Variants in ZDHHC3 observed in about 807,000 individuals in gnomAD.
ZDHHC3 encodes the protein palmitoyltransferase ZDHHC3.
Under a neutral mutation model 30.6 loss-of-function variants are expected in ZDHHC3, and 9 were observed. That is an observed-to-expected ratio of 0.29 (90% CI 0.18 to 0.51). The LOEUF is 0.51. Ranked by LOEUF, ZDHHC3 falls within the 20% of genes least tolerant of loss-of-function variation. ZDHHC3 has a pLI of 0.97. For missense variants in ZDHHC3, 246 were observed against 384.2 expected (o/e 0.64, Z 3.01); for synonymous variants, 136 against 140.2 (o/e 0.97, Z 0.21).
rs117804867 is a variant in ZDHHC3 at position 44,950,731 on chromosome 3, T to C, written c.307-5439A>G. 1.3e-3 allele frequency among the ~76,000 whole-genome samples: 205 copies of C among 152,342 alleles called. 10 individuals carry two copies. The East Asian group carries it at 0.037, about 28-fold the overall frequency. On this transcript the variant is annotated intron_variant, in intron 2 of 6. Coordinates refer to ENST00000424952, the MANE Select transcript of ZDHHC3 (RefSeq NM_001135179.2). ...TTTCATTCTTTTTTAAAATGCATATTATGCTCTTTTGGGCTCATCTCCACA... is the reference window on the plus strand; with the variant it reads ...TTTCATTCTTTTTTAAAATGCATATCATGCTCTTTTGGGCTCATCTCCACA...
intron 1 of ZDHHC3, among the ~76,000 whole-genome samples, chr3:44,961,763 G>A (rs1421834901): frequency 6.6e-6 from 1 of 152,206 alleles, no homozygotes. Flanking sequence ...TTTTCCTACT[G>A]CCATGCAGAT....
At chr3:44,948,989 C>T (rs2125879267) in intron 2 of ZDHHC3, among the ~76,000 whole-genome samples, 1 of 152,346 alleles carries the variant, frequency 6.6e-6, no homozygotes, top group South Asian at 2.1e-4. Context: ...GAACACTTGT[C>T]CACATGCAAG....
intron 1 of ZDHHC3, among the ~76,000 whole-genome samples, chr3:44,962,522 AG>A: frequency 6.7e-6 from 1 of 149,572 alleles, no homozygotes; most frequent in Non-Finnish European, 1.5e-5. Flanking sequence ...GAAGGAAGGA[AG>A]GAAGGAAGGA....
chr3:44,947,982 C>A (rs1404188402), intron 2 of ZDHHC3, among the ~76,000 whole-genome samples: 2 of 152,350 alleles, frequency 1.3e-5, no homozygotes, highest in East Asian at 3.9e-4. Context: ...GACACGAGGT[C>A]AAGCCACAGC....
In ZDHHC3 at chr3:44,922,024, C is replaced by A; in HGVS notation, c.*4665G>T. 1.0e-6 allele frequency: 1 copy of A among 985,420 alleles called. No individual in the cohort carries two copies. The highest frequency in any genetic ancestry group is 1.2e-6 in the Non-Finnish European group (1 of 829,934). The allele number at this position is 985,420 out of a possible 1,614,324, so 61.0% of individuals were successfully genotyped here. A position where few individuals can be genotyped will look rare whatever the true frequency, so the allele number is the denominator to read the frequency against. ...CCCTGGGGGCCACTCTGCTTTGCTA[C>A]GGCAATCACACTGCTCAAGTCAGCA... On this transcript the variant is annotated 3_prime_UTR_variant, in exon 7 of 7. Transcript: ENST00000424952.
Position 44,925,731 on chromosome 3 carries a change from T to G in ZDHHC3, c.*958A>C. 1.0e-6 allele frequency: 1 copy of G among 985,640 alleles called. No homozygotes were observed. Among genetic ancestry groups the G allele is most frequent in the South Asian group, 4.7e-5 (1 of 21,284 alleles). The allele number at this position is 985,640 out of a possible 1,614,324, so 61.1% of individuals were successfully genotyped here. A position where few individuals can be genotyped will look rare whatever the true frequency, so the allele number is the denominator to read the frequency against. On this transcript the variant is annotated 3_prime_UTR_variant, in exon 7 of 7. Coordinates refer to ENST00000424952, the MANE Select transcript of ZDHHC3 (RefSeq NM_001135179.2). ...TTTATGGGGGTTAACTATCAGAAAG[T>G]GAATCCACTTTGAGGTTTATAAAAT...
chr3:44,956,427 C>T (rs936667318), intron 2 of ZDHHC3, among the ~76,000 whole-genome samples: 2 of 152,340 alleles, frequency 1.3e-5, no homozygotes, highest in African/African-American at 4.8e-5. Context: ...GCTGCTCTAG[C>T]TAAGACTCTG....
In ZDHHC3 at chr3:44,930,237, T is replaced by C. The variant is rs114918428; in HGVS notation, c.611-801A>G. Among the ~76,000 whole-genome samples, 697 of 152,364 alleles carry C rather than the reference T, an allele frequency of 4.6e-3. 2 individuals are homozygous for C. The highest frequency in any genetic ancestry group is 7.3e-3 in the Admixed American group (111 of 15,304). ...TGGTTTGCTTTTAAGCAGAATCTTT[T>C]GTCTGAACAAAGTCTAAGTCAGAAA... On this transcript the variant is annotated intron_variant, in intron 5 of 6. Coordinates refer to ENST00000424952, the MANE Select transcript of ZDHHC3 (RefSeq NM_001135179.2).
chr3:44,923,099 G>A lies in ZDHHC3; in HGVS notation c.*3590C>T, dbSNP rs569480394. 1.8e-5 allele frequency: 17 copies of A among 958,298 alleles called. No homozygotes were observed. The South Asian group carries it at 3.5e-4, about 20-fold the overall frequency. 59.4% of individuals were successfully genotyped at this position (958,298 alleles called of 1,614,324 possible). ...AATGTTTGTTTTTTTTTTTTGAGAC[G>A]GAGTCTCACTCTGTCGCCCAGGCTG... On this transcript the variant is annotated 3_prime_UTR_variant, in exon 7 of 7. Coordinates refer to ENST00000424952, the MANE Select transcript of ZDHHC3 (RefSeq NM_001135179.2).
Position 44,925,584 on chromosome 3 carries a change from A to G in ZDHHC3, c.*1105T>C. 6.1e-6 allele frequency: 6 copies of G among 985,416 alleles called. No homozygotes were observed. Among genetic ancestry groups the G allele is most frequent in the Non-Finnish European group, 7.2e-6 (6 of 829,932 alleles). 61.0% of individuals were successfully genotyped at this position (985,416 alleles called of 1,614,324 possible). Reference sequence around the variant, plus strand: ...GTGTCTGTGGATTCTGGCCAATGGGATGGCCATATGTCAACTTTGAAAGGG... The same window carrying G: ...GTGTCTGTGGATTCTGGCCAATGGGGTGGCCATATGTCAACTTTGAAAGGG... On this transcript the variant is annotated 3_prime_UTR_variant, in exon 7 of 7. Coordinates refer to ENST00000424952, the MANE Select transcript of ZDHHC3 (RefSeq NM_001135179.2).
chr3:44,933,043 A>G, intron 5 of ZDHHC3, 75 bp downstream of exon 5: 1 of 1,613,306 alleles, frequency 6.2e-7, no homozygotes, highest in African/African-American at 1.3e-5. Flanking sequence ...TGAAGGAAAC[A>G]AAGAGCCTCC....
rs751272128 is a variant in ZDHHC3 at position 44,920,067 on chromosome 3, T to C, written c.*6622A>G. 38 of 1,182,262 alleles carry C rather than the reference T, an allele frequency of 3.2e-5. No homozygotes were observed. The highest frequency in any genetic ancestry group is 4.0e-5 in the Non-Finnish European group (37 of 934,862). The allele number at this position is 1,182,262 out of a possible 1,614,324, so 73.2% of individuals were successfully genotyped here. A position where few individuals can be genotyped will look rare whatever the true frequency, so the allele number is the denominator to read the frequency against. Reference sequence around the variant, plus strand: ...TTTGGGGATGGAATTCTAGAGGATTTGTATTTATTTCTGTAGACTTCTCAC... The same window carrying C: ...TTTGGGGATGGAATTCTAGAGGATTCGTATTTATTTCTGTAGACTTCTCAC... On this transcript the variant is annotated 3_prime_UTR_variant, in exon 7 of 7. Transcript: ENST00000424952.
intron 3 of ZDHHC3, among the ~76,000 whole-genome samples, chr3:44,940,230 C>T (rs1702326428): frequency 1.3e-5 from 2 of 152,194 alleles, no homozygotes; most frequent in Non-Finnish European, 1.5e-5. Flanking sequence ...TTCCCAGCCC[C>T]CACTGCATGC....
Position 44,923,584 on chromosome 3 carries a change from T to C in ZDHHC3, c.*3105A>G. 1.0e-6 allele frequency: 1 copy of C among 977,814 alleles called. No individual in the cohort carries two copies. Among genetic ancestry groups the C allele is most frequent in the Non-Finnish European group, 1.2e-6 (1 of 823,090 alleles). 60.6% of individuals were successfully genotyped at this position (977,814 alleles called of 1,614,324 possible). On this transcript the variant is annotated 3_prime_UTR_variant, in exon 7 of 7. Coordinates refer to ENST00000424952, the MANE Select transcript of ZDHHC3 (RefSeq NM_001135179.2). ...TGGGAGGCTAAGGCAGGAAAATTGC[T>C]GGAGGCCGGGCATTTGAGACTAGCT... is the stretch of plus-strand genomic sequence containing the variant.
In ZDHHC3 at chr3:44,922,158, A is replaced by G. The variant is rs2125786593; in HGVS notation, c.*4531T>C. ...TGAATTCTTTCTCTTCTATGAGGTGATCCTAAGCCAGATACATATTTAAAG... is the reference window on the plus strand; with the variant it reads ...TGAATTCTTTCTCTTCTATGAGGTGGTCCTAAGCCAGATACATATTTAAAG... On this transcript the variant is annotated 3_prime_UTR_variant, in exon 7 of 7. Transcript: ENST00000424952. The G allele has an allele frequency of 2.0e-6, 2 of 985,430 alleles. No individual in the cohort carries two copies. The highest frequency in any genetic ancestry group is 4.7e-5 in the South Asian group (1 of 21,280). 61.0% of individuals were successfully genotyped at this position (985,430 alleles called of 1,614,324 possible).
intron 6 of ZDHHC3, among the ~76,000 whole-genome samples, chr3:44,928,498 G>A (rs1204865364): frequency 1.3e-5 from 2 of 152,102 alleles, no homozygotes; most frequent in South Asian, 2.1e-4. Context: ...GAATCGTACC[G>A]GGATGGCTCT....
rs1351249225 is a variant in ZDHHC3, at chr3:44,916,427, A to T, written c.*10262T>A. ...CTCAGCATCCTGAGGCTGCACCTCC[A>T]AACACTGACCTTCTTCTCCTCTGAA... On this transcript the variant is annotated 3_prime_UTR_variant, in exon 7 of 7. Transcript: ENST00000424952. 6.6e-6 allele frequency: 1 copy of T among 152,254 alleles called. No homozygotes were observed. Among genetic ancestry groups the T allele is most frequent in the African/African-American group, 2.4e-5 (1 of 41,444 alleles). The allele number at this position is 152,254 out of a possible 1,614,324, so 9.4% of individuals were successfully genotyped here. A position where few individuals can be genotyped will look rare whatever the true frequency, so the allele number is the denominator to read the frequency against.
chr3:44,945,509 T>G (rs1275092080), intron 2 of ZDHHC3, among the ~76,000 whole-genome samples: 1 of 152,212 alleles, frequency 6.6e-6, no homozygotes, highest in African/African-American at 2.4e-5. Context: ...TTAGGCCACA[T>G]TAATTCTTTG....
chr3:44,918,441 A>G lies in ZDHHC3; in HGVS notation c.*8248T>C, dbSNP rs1403420457. The G allele has an allele frequency of 2.0e-6, 2 of 985,240 alleles. No homozygotes were observed. The highest frequency in any genetic ancestry group is 1.1e-4 in the East Asian group (1 of 8,816). The allele number at this position is 985,240 out of a possible 1,614,324, so 61.0% of individuals were successfully genotyped here. The stretch of plus-strand genomic sequence containing the variant: ...CAGCCCTCCCCTTCTTTCCTTCCAC[A>G]AGTGCAATGCCAGATGATGGGCAGG... On this transcript the variant is annotated 3_prime_UTR_variant, in exon 7 of 7. Coordinates refer to ENST00000424952, the MANE Select transcript of ZDHHC3 (RefSeq NM_001135179.2).
Sources: gnomAD v4.1 joint callset for allele counts (sites outside exome capture counted in the v4.1 genomes callset) on GRCh38, gnomAD v4.1.1 for gene constraint, MANE v1.5 for transcripts, NCBI Gene and HGNC (gene_info 2026-07-23, HGNC 2026-07-21) for gene names.